AR: variants seen among roughly 807,000 people sequenced by gnomAD.
The protein encoded by AR is androgen receptor.
In AR, 8 loss-of-function variants were observed where a neutral mutation model predicts 53.9. That is an observed-to-expected ratio of 0.15 (90% CI 0.09 to 0.27). AR has a LOEUF of 0.27. Ranked by LOEUF, AR falls within the 10% of genes least tolerant of loss-of-function variation. The pLI is 1.00. For missense variants in AR, 639 were observed against 742.5 expected (o/e 0.86, Z 1.62); for synonymous variants, 359 against 316.4 (o/e 1.13, Z -1.43).
chrX:67,679,943 T>C (rs1447531125), intron 2 of AR, among the ~76,000 whole-genome samples: 1 of 112,155 alleles, frequency 8.9e-6, no homozygotes, highest in Admixed American at 9.5e-5. Context: ...TTCACTTATG[T>C]TTTCTTCATT....
chrX:67,595,079 G>T (rs774534216), intron 1 of AR, among the ~76,000 whole-genome samples: 8 of 111,471 alleles, frequency 7.2e-5, no homozygotes, highest in Non-Finnish European at 1.5e-4. Context: ...AGAAGTTGTG[G>T]CTTTAATCTA....
At chrX:67,610,978 G>T (rs1923855150) in intron 1 of AR, among the ~76,000 whole-genome samples, 1 of 111,478 alleles carries the variant, frequency 9.0e-6, no homozygotes, top group Non-Finnish European at 1.9e-5. Flanking sequence ...AGGCAATAAT[G>T]GTCACTATCC....
At chrX:67,614,786 C>A (rs933551220) in intron 1 of AR, among the ~76,000 whole-genome samples, 1 of 110,329 alleles carries the variant, frequency 9.1e-6, no homozygotes, top group Non-Finnish European at 1.9e-5. Flanking sequence ...CTTTAAAAAC[C>A]AGCTATTTAA....
intron 1 of AR, among the ~76,000 whole-genome samples, chrX:67,577,673 T>C (rs939578083): frequency 1.8e-5 from 2 of 111,476 alleles, no homozygotes; most frequent in African/African-American, 6.5e-5. Flanking sequence ...TTTTTGATAA[T>C]AGTAATCTCA....
intron 1 of AR, among the ~76,000 whole-genome samples, chrX:67,609,311 T>C (rs1923770768): frequency 9.0e-6 from 1 of 111,503 alleles, no homozygotes; most frequent in Non-Finnish European, 1.9e-5. Flanking sequence ...GAACCTGCAG[T>C]GTATTGCCAT....
intron 1 of AR, among the ~76,000 whole-genome samples, chrX:67,640,276 G>GT (rs1438007159): frequency 9.0e-6 from 1 of 111,045 alleles, no homozygotes; most frequent in African/African-American, 3.3e-5. Flanking sequence ...TTGGCCTGAC[G>GT]TTTTCTTTTT....
Position 67,546,728 on chromosome X carries a change from A to G in AR, c.1582A>G (p.Met528Val), listed in dbSNP as rs1929780906. ...TGTCAAAAGCGAAATGGGCCCCTGG[A>G]TGGATAGCTACTCCGGACCTTACGG... is the stretch of plus-strand genomic sequence containing the variant. ...TCVKSEMGPW[M>V]DSYSGPYGDM... The change falls in exon 1 of 8, where the codon ATG becomes GTG. Residue 528 changes from methionine to valine, a missense_variant. Coordinates refer to ENST00000374690, the MANE Select transcript of AR (RefSeq NM_000044.6). 1 of 1,206,326 alleles carries G rather than the reference A, an allele frequency of 8.3e-7. No individual in the cohort carries two copies. The highest frequency in any genetic ancestry group is 1.1e-6 in the Non-Finnish European group (1 of 893,600).
At chrX:67,713,328 C>G (rs2076101121) in intron 4 of AR, among the ~76,000 whole-genome samples, 1 of 110,891 alleles carries the variant, frequency 9.0e-6, no homozygotes, top group African/African-American at 3.3e-5. Context: ...CCCAAGGACT[C>G]TGACTGGATA....
Position 67,568,967 on chromosome X carries a change from G to A in AR, c.1616+22205G>A, listed in dbSNP as rs777908065. On this transcript the variant is annotated intron_variant, in intron 1 of 7. Coordinates refer to ENST00000374690, the MANE Select transcript of AR (RefSeq NM_000044.6). ...TGTACAGGGAACCAGGGAAACGAATGCAGAGTGCTCCTGACATTGCCTGTC... is the reference window on the plus strand; with the variant it reads ...TGTACAGGGAACCAGGGAAACGAATACAGAGTGCTCCTGACATTGCCTGTC... 10 of 1,208,489 alleles carry A rather than the reference G, an allele frequency of 8.3e-6. No homozygotes were observed. In the Admixed American group the frequency reaches 2.2e-4, roughly 27 times the overall value.
chrX:67,647,385 T>C (rs1035429640), intron 2 of AR, among the ~76,000 whole-genome samples: 1 of 112,003 alleles, frequency 8.9e-6, no homozygotes, highest in African/African-American at 3.2e-5. Context: ...TGAACCCTCA[T>C]TGAACTCTTT....
At chrX:67,647,529 C>T (rs964906527) in intron 2 of AR, among the ~76,000 whole-genome samples, 1 of 111,727 alleles carries the variant, frequency 9.0e-6, no homozygotes, top group Admixed American at 9.6e-5. Context: ...GTAACATTTC[C>T]CAGAGGCAAA....
intron 3 of AR, among the ~76,000 whole-genome samples, chrX:67,694,344 C>T (rs1035256471): frequency 9.1e-6 from 1 of 109,821 alleles, no homozygotes; most frequent in Non-Finnish European, 1.9e-5. Flanking sequence ...CTCCCCACCC[C>T]ACCCCCACAT....
intron 1 of AR, among the ~76,000 whole-genome samples, chrX:67,580,026 T>A (rs767204354): frequency 7.2e-5 from 8 of 110,401 alleles, no homozygotes; most frequent in African/African-American, 9.9e-5. Flanking sequence ...GTGTGGCCAT[T>A]TTTTGGTCTT....
rs147994089 is a variant in AR, at chrX:67,546,250, A to G, written c.1104A>G (p.Pro368=). The change falls in exon 1 of 8, where the codon CCA becomes CCG. Residue 368 remains proline (P), a synonymous_variant. Transcript: ENST00000374690. ...AYQSRDYYNF[P]LALAGPPPPP... is the part of the protein sequence containing the mutation. ...AGAGTCGCGACTACTACAACTTTCC[A>G]CTGGCTCTGGCCGGACCGCCGCCCC... The G allele has an allele frequency of 5.8e-6, 7 of 1,208,466 alleles. No homozygotes were observed. In the African/African-American group the frequency reaches 1.2e-4, roughly 21 times the overall value.
chrX:67,638,917 A>C (rs963825877), intron 1 of AR, among the ~76,000 whole-genome samples: 5 of 111,667 alleles, frequency 4.5e-5, no homozygotes, highest in African/African-American at 1.6e-4. Flanking sequence ...TATGTCCTGA[A>C]TGGTATTGCC....
intron 3 of AR, among the ~76,000 whole-genome samples, chrX:67,709,243 G>A (rs1405764704): frequency 1.8e-5 from 2 of 112,320 alleles, no homozygotes; most frequent in African/African-American, 6.5e-5. Context: ...CAGAGGTGGA[G>A]TCTACAGAGG....
In AR at chrX:67,686,080, A is replaced by G. The variant is rs1233364149; in HGVS notation, c.1839A>G (p.Pro613=). Residue 613 remains proline, a synonymous_variant, in exon 3 of 8, where the codon CCA becomes CCG. Transcript: ENST00000374690. The stretch of plus-strand genomic sequence containing the variant: ...ATAAATTCCGAAGGAAAAATTGTCC[A>G]TCTTGTCGTCTTCGGAAATGTTATG... ...TIDKFRRKNC[P]SCRLRKCYEA... 1 of 1,209,802 alleles carries G rather than the reference A, an allele frequency of 8.3e-7. No individual in the cohort carries two copies. The highest frequency in any genetic ancestry group is 1.7e-5 in the African/African-American group (1 of 57,280).
At chrX:67,689,554 A>G (rs1434169089) in intron 3 of AR, 2 of 960,910 alleles carry the variant, frequency 2.1e-6, no homozygotes, top group Non-Finnish European at 2.7e-6. Context: ...TTTTTTTTCT[A>G]GCAGCTGTTG....
chrX:67,654,897 T>C (rs755392820), intron 2 of AR, among the ~76,000 whole-genome samples: 2 of 98,288 alleles, frequency 2.0e-5, no homozygotes, highest in Non-Finnish European at 4.1e-5. Flanking sequence ...AGGAATGTGG[T>C]TTGGTTATAG....
Sources: gnomAD v4.1 joint callset for allele counts (sites outside exome capture counted in the v4.1 genomes callset) on GRCh38, gnomAD v4.1.1 for gene constraint, MANE v1.5 for transcripts, NCBI Gene and HGNC (gene_info 2026-07-23, HGNC 2026-07-21) for gene names.